Variants in DCLRE1C observed in about 807,000 individuals in gnomAD.
DCLRE1C encodes DNA cross-link repair 1C.
Under a neutral mutation model 61.4 loss-of-function variants are expected in DCLRE1C, and 47 were observed. That is an observed-to-expected ratio of 0.77 (90% CI 0.61 to 0.98). The LOEUF (loss-of-function observed/expected upper bound fraction) is 0.98, where lower values mean the gene tolerates loss of function less well. Ranked by LOEUF, DCLRE1C falls within the 50% of genes least tolerant of loss-of-function variation. The pLI is 0.00. For missense variants in DCLRE1C, 858 were observed against 816.0 expected, an observed-to-expected ratio of 1.05 and a Z score of -0.63; for synonymous variants, 337 against 287.6, an observed-to-expected ratio of 1.17 and a Z score of -1.74.
chr10:14,938,732 A>G (rs2131011157), intron 4 of DCLRE1C, among the ~76,000 whole-genome samples: 1 of 152,338 alleles, frequency 6.6e-6, no homozygotes, highest in South Asian at 2.1e-4. Context: ...TCAGAAAAAA[A>G]GTACAATATT....
intron 3 of DCLRE1C, among the ~76,000 whole-genome samples, chr10:14,940,132 A>T (rs970555746): frequency 1.3e-5 from 2 of 151,850 alleles, no homozygotes; most frequent in African/African-American, 4.8e-5. Context: ...CCATGAATTC[A>T]TTTTTCCTCC....
intron 4 of DCLRE1C, among the ~76,000 whole-genome samples, chr10:14,936,801 CTA>C (rs1808343601): frequency 6.6e-6 from 1 of 152,134 alleles, no homozygotes; most frequent in South Asian, 2.1e-4. Context: ...AATTTCACCA[CTA>C]GTTATAGAAC....
intron 13 of DCLRE1C, among the ~76,000 whole-genome samples, chr10:14,919,365 A>G (rs1255425571): frequency 6.6e-6 from 1 of 152,210 alleles, no homozygotes. Context: ...ATCAGCATTT[A>G]CTAGTATCTT....
rs1204573396 is a variant in DCLRE1C at position 14,906,946 on chromosome 10, G to A, written c.*1462C>T. ...CCAGGCTGGGCACAATCAGCTCACTGCAGTTTCAACCTCCTGGGCTCAATC... is the reference window on the plus strand; with the variant it reads ...CCAGGCTGGGCACAATCAGCTCACTACAGTTTCAACCTCCTGGGCTCAATC... On this transcript the variant is annotated 3_prime_UTR_variant, in exon 14 of 14. Coordinates refer to ENST00000378278, the MANE Select transcript of DCLRE1C (RefSeq NM_001033855.3). Among the ~76,000 whole-genome samples, 2 of 151,728 alleles carry A rather than the reference G, an allele frequency of 1.3e-5. No individual in the cohort carries two copies.
intron 12 of DCLRE1C, among the ~76,000 whole-genome samples, chr10:14,921,973 G>A (rs181445655): frequency 2.6e-5 from 4 of 152,284 alleles, no homozygotes; most frequent in African/African-American, 4.8e-5. Context: ...TGTCCCCATC[G>A]GGGTCTGCGA....
chr10:14,913,717 C>T (rs559693214), intron 13 of DCLRE1C, among the ~76,000 whole-genome samples: 22 of 152,100 alleles, frequency 1.4e-4, no homozygotes, highest in Non-Finnish European at 2.9e-4. Context: ...AGTTACCAAG[C>T]ATTTACACTG....
intron 13 of DCLRE1C, among the ~76,000 whole-genome samples, chr10:14,918,243 A>G (rs1348348448): frequency 1.3e-5 from 2 of 152,220 alleles, no homozygotes; most frequent in Non-Finnish European, 2.9e-5. Context: ...AAATACATCA[A>G]CAGGTGAATG....
In DCLRE1C at chr10:14,945,831, G is replaced by T. The variant is rs1589140137; in HGVS notation, c.162-642C>A. ...GCGCCATGATGCCGGACTAATTTTT[G>T]TATTTTTGTAGAGATGGAGTTTGAC... is the stretch of plus-strand genomic sequence containing the variant. On this transcript the variant is annotated intron_variant, in intron 2 of 13. Transcript: ENST00000378278. Among the ~76,000 whole-genome samples the T allele has an allele frequency of 3.3e-5, 5 of 150,886 alleles. No homozygotes were observed. In the South Asian group the frequency reaches 8.4e-4, roughly 25 times the overall value.
At chr10:14,936,657 A>G in intron 4 of DCLRE1C, 64 bp from the exon 5 acceptor site, 1 of 1,137,768 alleles carries the variant, frequency 8.8e-7, no homozygotes, top group South Asian at 1.3e-5. Flanking sequence ...TAGCTCAACA[A>G]AGCCCTCCTT....
rs1839610028 is a variant in DCLRE1C at position 14,904,650 on chromosome 10, C to T, written c.*3758G>A. ...GTCTTTATTGATAGAATGTAATGGG[C>T]CTTTGGGATCTTAAGTACTACTTAT... is the stretch of plus-strand genomic sequence containing the variant. On this transcript the variant is annotated 3_prime_UTR_variant, in exon 14 of 14. Transcript: ENST00000378278. 6.6e-6 allele frequency among the ~76,000 whole-genome samples: 1 copy of T among 151,974 alleles called. No individual in the cohort carries two copies. Among genetic ancestry groups the T allele is most frequent in the African/African-American group, 2.4e-5 (1 of 41,370 alleles).
In DCLRE1C at chr10:14,908,676, T is replaced by C. The variant is rs768606646; in HGVS notation, c.1811A>G (p.Asp604Gly). Residue 604 changes from aspartate to glycine, a missense_variant, in exon 14 of 14, where the codon GAT (aspartate) becomes GGT (glycine). By Grantham distance (94) the Asp-to-Gly change is moderately conservative. This residue lies in a region of DCLRE1C where 843 missense variants were observed against 783.5 expected (regional missense o/e 1.08). Transcript: ENST00000378278. ...CACATCTTTATCTCTGCTTTTCAAA[T>C]CAGAGTAAGTATCCTTTGGGCAAAT... ...NVICPKDTYS[D>G]LKSRDKDVTI... The C allele has an allele frequency of 1.9e-6, 3 of 1,614,090 alleles. No individual in the cohort carries two copies. Among genetic ancestry groups the C allele is most frequent in the Non-Finnish European group, 2.5e-6 (3 of 1,180,032 alleles).
chr10:14,931,273 G>T (rs1250832031), intron 9 of DCLRE1C, among the ~76,000 whole-genome samples: 1 of 152,012 alleles, frequency 6.6e-6, no homozygotes, highest in Non-Finnish European at 1.5e-5. Context: ...ATTAGAAAAC[G>T]AATGAGGCTG....
At chr10:14,937,082 A>G (rs550968988) in intron 4 of DCLRE1C, among the ~76,000 whole-genome samples, 56 of 152,170 alleles carry the variant, frequency 3.7e-4, no homozygotes, top group Non-Finnish European at 6.9e-4. Context: ...ACTCATATGA[A>G]ATATCCGGAA....
chr10:14,952,824 GA>G (rs918329159), intron 1 of DCLRE1C, among the ~76,000 whole-genome samples: 5 of 151,036 alleles, frequency 3.3e-5, no homozygotes, highest in African/African-American at 4.9e-5. Context: ...TGGCTTTGTG[GA>G]AAAAAAAAGC....
intron 13 of DCLRE1C, among the ~76,000 whole-genome samples, chr10:14,911,799 A>G (rs1376321396): frequency 6.6e-6 from 1 of 152,218 alleles, no homozygotes; most frequent in Admixed American, 6.5e-5. Context: ...CAGAATAGAC[A>G]TTTCACTGAA....
At chr10:14,937,341 G>A (rs1482356976) in intron 4 of DCLRE1C, among the ~76,000 whole-genome samples, 13 of 145,056 alleles carry the variant, frequency 9.0e-5, no homozygotes, top group African/African-American at 2.3e-4. Context: ...GCTGGAGTGC[G>A]ATGGTGTGAT....
At chr10:14,897,618 T>G (rs897993170) in exon 14 of DCLRE1C, 1 of 1,013,164 alleles carries the variant, frequency 9.9e-7, no homozygotes, top group Non-Finnish European at 1.3e-6. Flanking sequence ...TACATTTTGA[T>G]ATTTTCATTT....
chr10:14,945,745 A>G (rs1362467109), intron 2 of DCLRE1C, among the ~76,000 whole-genome samples: 2 of 128,892 alleles, frequency 1.6e-5, no homozygotes, highest in African/African-American at 6.1e-5. Context: ...TGCAAACTCC[A>G]CTTCCCAGGT....
At chr10:14,910,824 A>ACTAT (rs1385241496) in intron 13 of DCLRE1C, among the ~76,000 whole-genome samples, 1 of 152,180 alleles carries the variant, frequency 6.6e-6, no homozygotes, top group African/African-American at 2.4e-5. Context: ...AAAATCAGAA[A>ACTAT]CTATCTCTCA....
Sources: allele counts gnomAD v4.1 joint callset (sites outside exome capture counted in the v4.1 genomes callset), GRCh38; gene constraint gnomAD v4.1.1; regional missense constraint gnomAD v4.1.1; transcripts MANE v1.5; gene names NCBI Gene and HGNC (gene_info 2026-07-23, HGNC 2026-07-21).